The following ZNF367 variants were observed in gnomAD, a reference collection of about 807,000 sequenced individuals.
ZNF367 encodes zinc finger protein 367.
Under a neutral mutation model 31.8 loss-of-function variants are expected in ZNF367, and 11 were observed. That is an observed-to-expected ratio of 0.35 (90% CI 0.22 to 0.57). The LOEUF (loss-of-function observed/expected upper bound fraction) is 0.57, where lower values mean the gene tolerates loss of function less well. ZNF367 is among the 20% of genes least tolerant of loss of function. The pLI is 0.85. For synonymous variants in ZNF367, 199 were observed against 202.4 expected, an observed-to-expected ratio of 0.98 and a Z score of 0.14; for missense variants, 353 against 484.1, an observed-to-expected ratio of 0.73 and a Z score of 2.54.
intron 1 of ZNF367, among the ~76,000 whole-genome samples, chr9:96,416,538 C>A (rs1200857270): frequency 6.6e-6 from 1 of 152,152 alleles, no homozygotes; most frequent in African/African-American, 2.4e-5. Flanking sequence ...GTTTCAACAT[C>A]CTTGTGACTG....
intron 1 of ZNF367, among the ~76,000 whole-genome samples, chr9:96,415,796 G>A (rs1377430698): frequency 6.6e-6 from 1 of 152,008 alleles, no homozygotes; most frequent in Non-Finnish European, 1.5e-5. Flanking sequence ...ACCGCACCTG[G>A]CAAGTTTCTT....
At chr9:96,411,033 C>CAAA (rs113321594) in intron 1 of ZNF367, among the ~76,000 whole-genome samples, 2 of 108,312 alleles carry the variant, frequency 1.8e-5, no homozygotes, top group African/African-American at 3.4e-5. Flanking sequence ...TCCATCTCTA[C>CAAA]AAAAAAAAAA....
At chr9:96,403,006 G>A (rs1831627276) in intron 1 of ZNF367, among the ~76,000 whole-genome samples, 1 of 150,542 alleles carries the variant, frequency 6.6e-6, no homozygotes, top group African/African-American at 2.5e-5. Flanking sequence ...GTCTTGCTCT[G>A]TTGCCCAGGC....
chr9:96,394,978 A>G (rs373135875), intron 2 of ZNF367, 36 bp from the exon 3 acceptor site: 5 of 1,611,290 alleles, frequency 3.1e-6, no homozygotes, highest in Non-Finnish European at 4.2e-6. Context: ...TATCTGAGAT[A>G]ATAAGGCCAG....
rs112762006 is a variant in ZNF367, at chr9:96,408,134, C to T, written c.420+9479G>A. Among the ~76,000 whole-genome samples, 640 of 152,146 alleles carry T rather than the reference C, an allele frequency of 4.2e-3. 1 individual carries two copies. Among genetic ancestry groups the T allele is most frequent in the Middle Eastern group, 0.031 (9 of 294 alleles). ...GTAAATGACGAGTTAATGGGTGCAG[C>T]ACACCAACATGGCACATGTATACAT... On this transcript the variant is annotated intron_variant, in intron 1 of 4. Transcript: ENST00000375256.
chr9:96,392,317 T>G lies in ZNF367; in HGVS notation c.830+81A>C, dbSNP rs577905276. 2.8e-5 allele frequency: 45 copies of G among 1,592,690 alleles called. No homozygotes were observed. In the African/African-American group the frequency reaches 5.5e-4, roughly 19 times the overall value. ...GTGTATAAATGCAGCTTATTTAAAA[T>G]GAGAGGCATGTCCAGGTCCCTGACA... is the stretch of plus-strand genomic sequence containing the variant. On this transcript the variant is annotated intron_variant, in intron 4 of 4. Coordinates refer to ENST00000375256, the MANE Select transcript of ZNF367 (RefSeq NM_153695.4).
rs190094619 is a variant in ZNF367 at position 96,398,323 on chromosome 9, A to G, written c.421-9T>C. ...CCACGTCGGATTCCATCCTGTTGAT[A>G]ATTTTTATAAACATTAATATAATTT... On this transcript the variant is annotated splice_polypyrimidine_tract_variant and intron_variant, in intron 1 of 4. Transcript: ENST00000375256. 2.5e-4 allele frequency: 395 copies of G among 1,592,798 alleles called. 3 individuals are homozygous for G. In the East Asian group the frequency reaches 8.6e-3, roughly 35 times the overall value.
In ZNF367 at chr9:96,417,180, G is replaced by A. The variant is rs1029503883; in HGVS notation, c.420+433C>T. Among the ~76,000 whole-genome samples the A allele has an allele frequency of 1.3e-5, 2 of 152,186 alleles. No individual in the cohort carries two copies. Among genetic ancestry groups the A allele is most frequent in the Non-Finnish European group, 1.5e-5 (1 of 68,034 alleles). ...TTCTTGCTCTTCGGCTGTCTCTGCA[G>A]GGCATCTTTTAACAGGGCGAGGGCG... On this transcript the variant is annotated intron_variant, in intron 1 of 4. Coordinates refer to ENST00000375256, the MANE Select transcript of ZNF367 (RefSeq NM_153695.4). The surrounding 1 kb of genome is among the most constrained non-coding windows in gnomAD (Gnocchi z 5.0).
chr9:96,393,061 G>A (rs931265176), intron 3 of ZNF367, among the ~76,000 whole-genome samples: 4 of 152,154 alleles, frequency 2.6e-5, no homozygotes, highest in Non-Finnish European at 5.9e-5. Flanking sequence ...CTCCAGCCTG[G>A]CGACAGAGCC....
chr9:96,396,887 G>A (rs967559907), intron 2 of ZNF367, among the ~76,000 whole-genome samples: 1 of 152,048 alleles, frequency 6.6e-6, no homozygotes, highest in Non-Finnish European at 1.5e-5. Flanking sequence ...GGCTGGTCTT[G>A]AACTCCTGAC....
intron 1 of ZNF367, among the ~76,000 whole-genome samples, chr9:96,412,726 C>T (rs566016594): frequency 7.3e-6 from 1 of 136,964 alleles, no homozygotes; most frequent in Non-Finnish European, 1.5e-5. Context: ...GACAGAATCT[C>T]GCTTAGTCGC....
At chr9:96,416,045 T>G (rs1321476067) in intron 1 of ZNF367, among the ~76,000 whole-genome samples, 1 of 151,518 alleles carries the variant, frequency 6.6e-6, no homozygotes, top group Non-Finnish European at 1.5e-5. Context: ...ATCACAGGCA[T>G]GAGCCACCTC....
intron 1 of ZNF367, among the ~76,000 whole-genome samples, chr9:96,412,366 G>A (rs545843049): frequency 1.3e-5 from 2 of 152,278 alleles, no homozygotes; most frequent in Admixed American, 6.5e-5. Flanking sequence ...AAAGTGTTTA[G>A]TCATGTGATA....
At chr9:96,392,830 A>G (rs1455525272) in intron 3 of ZNF367, among the ~76,000 whole-genome samples, 1 of 152,218 alleles carries the variant, frequency 6.6e-6, no homozygotes, top group Admixed American at 6.5e-5. Context: ...CACGCCTGTA[A>G]TCCCAGCACT....
chr9:96,407,642 T>A, intron 1 of ZNF367: 1 of 1,437,354 alleles, frequency 7.0e-7, no homozygotes, highest in South Asian at 1.2e-5. Flanking sequence ...AAATGGGAAG[T>A]CCCTCTGCCT....
chr9:96,407,642 T>G (rs1587747603), intron 1 of ZNF367: 2 of 1,437,354 alleles, frequency 1.4e-6, no homozygotes, highest in East Asian at 4.5e-5. Flanking sequence ...AAATGGGAAG[T>G]CCCTCTGCCT....
rs1484690576 is a variant in ZNF367 at position 96,418,038 on chromosome 9, G to A, written c.-6C>T. 1.5e-6 allele frequency: 2 copies of A among 1,363,032 alleles called. No individual in the cohort carries two copies. Among genetic ancestry groups the A allele is most frequent in the Admixed American group, 3.8e-5 (1 of 26,116 alleles). The allele number at this position is 1,363,032 out of a possible 1,614,324, so 84.4% of individuals were successfully genotyped here. A position where few individuals can be genotyped will look rare whatever the true frequency, so the allele number is the denominator to read the frequency against. On this transcript the variant is annotated 5_prime_UTR_variant, in exon 1 of 5. Transcript: ENST00000375256. ...GCCTCGAAGCCCCGGATCATCGCCC[G>A]GCCCGACCCCCAGCTCCGGCGGCCC... is the stretch of plus-strand genomic sequence containing the variant.
chr9:96,402,877 TAA>T (rs1342389617), intron 1 of ZNF367, among the ~76,000 whole-genome samples: 2 of 152,090 alleles, frequency 1.3e-5, no homozygotes, highest in Non-Finnish European at 1.5e-5. Context: ...CACTAAATTT[TAA>T]AAGACTGAAA....
At chr9:96,392,640 G>A in intron 3 of ZNF367, 104 bp from the exon 4 acceptor site, 1 of 1,446,128 alleles carries the variant, frequency 6.9e-7, no homozygotes, top group East Asian at 2.3e-5. Context: ...AATTAATATG[G>A]TGAAATTTAG....
Sources: gnomAD v4.1 joint callset for allele counts (sites outside exome capture counted in the v4.1 genomes callset) on GRCh38, gnomAD v4.1.1 for gene constraint, Gnocchi (gnomAD v3.1) non-coding constraint, MANE v1.5 for transcripts, NCBI Gene and HGNC (gene_info 2026-07-23, HGNC 2026-07-21) for gene names.